CSMD1: variants seen among roughly 807,000 people sequenced by gnomAD.
CSMD1 encodes the protein CUB and Sushi multiple domains 1.
A neutral mutation model predicts 417.5 loss-of-function variants in CSMD1; 213 were observed. The ratio of observed to expected loss-of-function variants is 0.51; its 90% confidence interval spans 0.46 to 0.57. CSMD1 has a LOEUF of 0.57. CSMD1 is among the 20% of genes least tolerant of loss of function. The pLI, the probability that CSMD1 is intolerant of heterozygous loss-of-function variation, is 0.00. For synonymous variants in CSMD1, 2,862 were observed against 1,736.8 expected (o/e 1.65, Z -16.11); for missense variants, 6,923 against 4,529.7 (o/e 1.53, Z -15.17).
chr8:3,693,653 G>C (rs986038049), intron 7 of CSMD1, among the ~76,000 whole-genome samples: 20 of 152,150 alleles, frequency 1.3e-4, no homozygotes, highest in Non-Finnish European at 1.5e-5. Flanking sequence ...CATATATGTA[G>C]TTATTAGGTA....
At chr8:4,112,598 T>A (rs976087023) in intron 3 of CSMD1, among the ~76,000 whole-genome samples, 1 of 152,082 alleles carries the variant, frequency 6.6e-6, no homozygotes, top group Non-Finnish European at 1.5e-5. Flanking sequence ...AGTCTGTGCG[T>A]GTATGAGGGC....
intron 1 of CSMD1, among the ~76,000 whole-genome samples, chr8:4,849,671 T>C (rs1423979526): frequency 2.0e-5 from 3 of 152,210 alleles, no homozygotes; most frequent in Non-Finnish European, 4.4e-5. Flanking sequence ...TTGTCCATAT[T>C]ATTTAGTGCA....
chr8:4,452,366 C>T (rs570252654), intron 2 of CSMD1, among the ~76,000 whole-genome samples: 1 of 152,120 alleles, frequency 6.6e-6, no homozygotes, highest in Non-Finnish European at 1.5e-5. Flanking sequence ...GTGACAAGTA[C>T]AATACAAAGG....
chr8:4,571,163 G>C (rs1585266378), intron 2 of CSMD1, among the ~76,000 whole-genome samples: 1 of 152,230 alleles, frequency 6.6e-6, no homozygotes, highest in East Asian at 1.9e-4. Flanking sequence ...TCTGATCTTA[G>C]TTATTTCTTG....
chr8:4,744,157 A>G (rs1220690480), intron 1 of CSMD1, among the ~76,000 whole-genome samples: 1 of 152,328 alleles, frequency 6.6e-6, no homozygotes, highest in Non-Finnish European at 1.5e-5. Flanking sequence ...TGGGTTCCCT[A>G]TAAAGAGCGT....
chr8:4,650,519 T>G (rs1585393218), intron 1 of CSMD1, among the ~76,000 whole-genome samples: 1 of 152,212 alleles, frequency 6.6e-6, no homozygotes, highest in East Asian at 1.9e-4. Flanking sequence ...CTGCCTCTTA[T>G]TTTAGCTTGG....
intron 3 of CSMD1, among the ~76,000 whole-genome samples, chr8:4,044,792 G>T (rs138443679): frequency 3.4e-4 from 15 of 44,464 alleles, no homozygotes; most frequent in African/African-American, 7.9e-4. Flanking sequence ...CACCCTGAGG[G>T]TGTACCACCC....
At chr8:4,356,893 T>A (rs906812244) in intron 3 of CSMD1, among the ~76,000 whole-genome samples, 1 of 152,232 alleles carries the variant, frequency 6.6e-6, no homozygotes, top group Non-Finnish European at 1.5e-5. Context: ...ATAATGAATT[T>A]AGCCCTTTAA....
chr8:4,782,043 C>T (rs1384433853), intron 1 of CSMD1, among the ~76,000 whole-genome samples: 1 of 152,154 alleles, frequency 6.6e-6, no homozygotes, highest in South Asian at 2.1e-4. Flanking sequence ...AATTATAGCC[C>T]ACTAAACACC....
At chr8:3,007,284 G>A (rs1224251121) in intron 52 of CSMD1, among the ~76,000 whole-genome samples, 1 of 151,798 alleles carries the variant, frequency 6.6e-6, no homozygotes, top group Non-Finnish European at 1.5e-5. Context: ...ACAGGTGCTG[G>A]AGAGGATGTG....
chr8:4,348,587 A>C (rs1401540381), intron 3 of CSMD1, among the ~76,000 whole-genome samples: 3 of 114,420 alleles, frequency 2.6e-5, no homozygotes, highest in Non-Finnish European at 5.1e-5. Context: ...GTGTGTATGC[A>C]TGTGTGTGTG....
At position 2,936,943 on chromosome 8, in the gene CSMD1, G is replaced by A. The variant is rs556615829; in HGVS notation, c.*1642C>T. 1 of 152,168 alleles carries A rather than the reference G, an allele frequency of 6.6e-6. No individual in the cohort carries two copies. The highest frequency in any genetic ancestry group is 2.1e-4 in the South Asian group (1 of 4,820). The allele number at this position is 152,168 out of a possible 1,614,324, so 9.4% of individuals were successfully genotyped here. A position where few individuals can be genotyped will look rare whatever the true frequency, so the allele number is the denominator to read the frequency against. ...ACATTCTGACATTTCTATTACCAAC[G>A]CCAATCTAAAATGTGAAACAGAGAA... is the stretch of plus-strand genomic sequence containing the variant. On this transcript the variant is annotated 3_prime_UTR_variant, in exon 70 of 70. Transcript: ENST00000635120.
chr8:4,679,520 G>C (rs551173862), intron 1 of CSMD1, among the ~76,000 whole-genome samples: 1 of 151,990 alleles, frequency 6.6e-6, no homozygotes, highest in Non-Finnish European at 1.5e-5. Flanking sequence ...TTCGCTTCTG[G>C]CATTGGCCCC....
At chr8:4,463,420 G>C (rs985597995) in intron 2 of CSMD1, among the ~76,000 whole-genome samples, 6 of 152,170 alleles carry the variant, frequency 3.9e-5, no homozygotes, top group African/African-American at 1.2e-4. Context: ...TCCACAGCTA[G>C]TTCTATACTT....
rs750616974 is a variant in CSMD1, at chr8:3,307,691, G to T, written c.3950+4C>A. The T allele has an allele frequency of 3.7e-6, 6 of 1,612,282 alleles. No individual in the cohort carries two copies. Among genetic ancestry groups the T allele is most frequent in the Middle Eastern group, 1.7e-4 (1 of 6,036 alleles). ...AATCACTGAAACCAAAATAAAACAA[G>T]TACCTAATGGTCTTTCCTGGGTCTG... On this transcript the variant is annotated splice_donor_region_variant and intron_variant, in intron 25 of 69. Transcript: ENST00000635120.
At chr8:3,597,141 G>T (rs79098965) in intron 8 of CSMD1, among the ~76,000 whole-genome samples, 2,303 of 152,270 alleles carry the variant, frequency 0.015, 36 homozygotes, top group Non-Finnish European at 0.023. Flanking sequence ...CATATGGGAT[G>T]CCCAAAATCA....
intron 1 of CSMD1, among the ~76,000 whole-genome samples, chr8:4,817,592 A>ATTTTTT (rs1799279126): frequency 2.0e-5 from 3 of 152,238 alleles, no homozygotes; most frequent in Admixed American, 2.0e-4. Flanking sequence ...GACTTTGCTC[A>ATTTTTT]TGCAATCAAA....
chr8:3,947,753 A>T (rs1404761964), intron 5 of CSMD1, among the ~76,000 whole-genome samples: 2 of 152,200 alleles, frequency 1.3e-5, no homozygotes, highest in South Asian at 4.1e-4. Flanking sequence ...ATCTTAGTGA[A>T]TGTTCCATGT....
chr8:3,466,294 G>C (rs1405161675), intron 12 of CSMD1, among the ~76,000 whole-genome samples: 4 of 151,942 alleles, frequency 2.6e-5, no homozygotes, highest in Admixed American at 6.6e-5. Context: ...CAGTATTCAG[G>C]GGAGTACAGC....
Sources: allele counts gnomAD v4.1 joint callset (sites outside exome capture counted in the v4.1 genomes callset), GRCh38; gene constraint gnomAD v4.1.1; transcripts MANE v1.5; gene names NCBI Gene and HGNC (gene_info 2026-07-23, HGNC 2026-07-21).